Variants in PHF2 observed in about 807,000 individuals in gnomAD.
The protein encoded by PHF2 is PHD finger protein 2, also known as lysine-specific demethylase PHF2.
PHF2 carries 27 observed loss-of-function variants against 120.5 expected under a neutral mutation model. The ratio of observed to expected loss-of-function variants is 0.22; its 90% confidence interval spans 0.17 to 0.31. The LOEUF is 0.31. PHF2 is among the 10% of genes least tolerant of loss of function. The pLI is 1.00. For synonymous variants in PHF2, 568 were observed against 592.5 expected, an observed-to-expected ratio of 0.96 and a Z score of 0.60; for missense variants, 1,024 against 1,434.8, an observed-to-expected ratio of 0.71 and a Z score of 4.63.
At chr9:93,670,473 G>A (rs545089722) in intron 17 of PHF2, among the ~76,000 whole-genome samples, 1 of 152,234 alleles carries the variant, frequency 6.6e-6, no homozygotes, top group Non-Finnish European at 1.5e-5. Flanking sequence ...TTCTGGGTGG[G>A]GCCTGGGCCT....
intron 4 of PHF2, 108 bp from the exon 5 acceptor site, chr9:93,648,963 G>T: frequency 7.9e-7 from 1 of 1,272,784 alleles, no homozygotes; most frequent in Non-Finnish European, 1.1e-6. Flanking sequence ...GGCAGCTCCT[G>T]CTGTGTGTGA....
intron 3 of PHF2, among the ~76,000 whole-genome samples, chr9:93,640,775 G>C (rs779847086): frequency 2.6e-5 from 4 of 152,156 alleles, no homozygotes; most frequent in Admixed American, 1.3e-4. Flanking sequence ...AAAATTTCTT[G>C]TGAAAGCTGG....
At chr9:93,676,481 T>C (rs1320654220) in intron 20 of PHF2, 113 bp from the exon 21 acceptor site, 1 of 1,319,404 alleles carries the variant, frequency 7.6e-7, no homozygotes, top group Non-Finnish European at 1.0e-6. Context: ...AGGCCCCTGC[T>C]GCCCAGCCCT....
chr9:93,591,414 A>T, intron 1 of PHF2, among the ~76,000 whole-genome samples: 1 of 130,146 alleles, frequency 7.7e-6, no homozygotes, highest in South Asian at 2.2e-4. Context: ...AGCAGGCTGT[A>T]CCGTGGCCTT....
chr9:93,649,017 G>T, intron 4 of PHF2, 54 bp from the exon 5 acceptor site: 1 of 1,546,410 alleles, frequency 6.5e-7, no homozygotes, highest in Non-Finnish European at 8.7e-7. Context: ...CCTGGCCTCA[G>T]GGAGGCTGTG....
chr9:93,645,959 C>T (rs990786728), intron 4 of PHF2, among the ~76,000 whole-genome samples, 170 bp downstream of exon 4: 36 of 152,222 alleles, frequency 2.4e-4, no homozygotes, highest in Admixed American at 2.0e-3. Flanking sequence ...TCAGACCCTG[C>T]GTCCCACTGA....
intron 1 of PHF2, among the ~76,000 whole-genome samples, chr9:93,583,512 A>T (rs567800785): frequency 4.1e-4 from 62 of 152,080 alleles, no homozygotes; most frequent in South Asian, 8.3e-4. Flanking sequence ...GGGCTACATT[A>T]TTTTAAATTC....
rs374178598 is a variant in PHF2, at chr9:93,677,871, C to T, written c.*195C>T. 5.9e-5 allele frequency: 34 copies of T among 579,058 alleles called. No individual in the cohort carries two copies. The highest frequency in any genetic ancestry group is 5.1e-4 in the African/African-American group (27 of 53,404). The allele number at this position is 579,058 out of a possible 1,614,324, so 35.9% of individuals were successfully genotyped here. A position where few individuals can be genotyped will look rare whatever the true frequency, so the allele number is the denominator to read the frequency against. On this transcript the variant is annotated 3_prime_UTR_variant, in exon 22 of 22. Coordinates refer to ENST00000359246, the MANE Select transcript of PHF2 (RefSeq NM_005392.4). The surrounding 1 kb of genome is among the most constrained non-coding windows in gnomAD (Gnocchi z 4.4). ...CGTGGCCCCTCAATTTGAAAATGGA[C>T]GTCTTTTCTCAAGTTGCTAAGAGTG...
chr9:93,652,899 A>G (rs1226985481), intron 5 of PHF2, among the ~76,000 whole-genome samples: 1 of 152,172 alleles, frequency 6.6e-6, no homozygotes, highest in African/African-American at 2.4e-5. Context: ...CCAGGAAAGG[A>G]GGTTCCCTCT....
intron 10 of PHF2, 36 bp from the exon 11 acceptor site, chr9:93,659,475 T>C: frequency 6.4e-7 from 1 of 1,554,602 alleles, no homozygotes; most frequent in Non-Finnish European, 8.9e-7. Context: ...CCACGGGAGG[T>C]GTCTGGTGCT....
intron 1 of PHF2, 77 bp from the exon 2 acceptor site, chr9:93,629,893 C>A (rs1825971326): frequency 5.0e-6 from 7 of 1,393,980 alleles, no homozygotes. Flanking sequence ...CAGGGATTCT[C>A]CCTAGAGCTT....
Position 93,653,166 on chromosome 9 carries a change from C to T in PHF2, c.603-13C>T, listed in dbSNP as rs776931703. Reference sequence around the variant, plus strand: ...TCCCAGGTTCCCTCACCACCTTCCTCTCCCACCCCTAGAATGTCCAGCTTC... The same window carrying T: ...TCCCAGGTTCCCTCACCACCTTCCTTTCCCACCCCTAGAATGTCCAGCTTC... On this transcript the variant is annotated splice_polypyrimidine_tract_variant and intron_variant, in intron 5 of 21. Coordinates refer to ENST00000359246, the MANE Select transcript of PHF2 (RefSeq NM_005392.4). The T allele has an allele frequency of 6.2e-7, 1 of 1,612,374 alleles. No individual in the cohort carries two copies.
chr9:93,678,809 G>GT lies in PHF2; in HGVS notation c.*1139dup, dbSNP rs368790064. The GT allele has an allele frequency of 6.5e-6, 1 of 153,758 alleles. No homozygotes were observed. The highest frequency in any genetic ancestry group is 2.4e-5 in the African/African-American group (1 of 41,440). The allele number at this position is 153,758 out of a possible 1,614,324, so 9.5% of individuals were successfully genotyped here. On this transcript the variant is annotated 3_prime_UTR_variant, in exon 22 of 22. Coordinates refer to ENST00000359246, the MANE Select transcript of PHF2 (RefSeq NM_005392.4). Reference sequence around the variant, plus strand: ...GAGTTCTTCATTAACATTTATACGAGTTTTTTGCTGAGTCAGATGGACAGT... The same window carrying GT: ...GAGTTCTTCATTAACATTTATACGAGTTTTTTTGCTGAGTCAGATGGACAGT...
chr9:93,608,401 T>TTG (rs1348849256), intron 1 of PHF2, among the ~76,000 whole-genome samples: 1 of 151,566 alleles, frequency 6.6e-6, no homozygotes, highest in African/African-American at 2.4e-5. Flanking sequence ...ATTGGTAGTT[T>TTG]TTTTTTTTTT....
At chr9:93,600,460 C>A (rs1825419496) in intron 1 of PHF2, among the ~76,000 whole-genome samples, 1 of 152,182 alleles carries the variant, frequency 6.6e-6, no homozygotes, top group Non-Finnish European at 1.5e-5. Context: ...GGGGAAAGGC[C>A]CAACATGGGA....
At chr9:93,609,259 GTCATGAAGTAC>G (rs1470547148) in intron 1 of PHF2, among the ~76,000 whole-genome samples, 2 of 151,942 alleles carry the variant, frequency 1.3e-5, no homozygotes, top group Non-Finnish European at 2.9e-5. Flanking sequence ...TCATGAAGTA[GTCATGAAGTAC>G]ATTGTTGCTA....
At chr9:93,625,966 G>A (rs1825908200) in intron 1 of PHF2, among the ~76,000 whole-genome samples, 1 of 152,020 alleles carries the variant, frequency 6.6e-6, no homozygotes, top group Non-Finnish European at 1.5e-5. Context: ...AAATTGGCCG[G>A]GCGCGGTGGC....
At chr9:93,597,956 T>C (rs1321478326) in intron 1 of PHF2, among the ~76,000 whole-genome samples, 2 of 152,130 alleles carry the variant, frequency 1.3e-5, no homozygotes, top group African/African-American at 4.8e-5. Flanking sequence ...CACTCTGGGG[T>C]CACTCTGATG....
intron 17 of PHF2, chr9:93,670,970 C>G (rs1318284478): frequency 4.1e-6 from 4 of 979,486 alleles, no homozygotes; most frequent in Middle Eastern, 5.2e-4. Flanking sequence ...TTGGACTGAG[C>G]TGAGGTGCAG....
Sources: allele counts gnomAD v4.1 joint callset (sites outside exome capture counted in the v4.1 genomes callset), GRCh38; gene constraint gnomAD v4.1.1; non-coding constraint Gnocchi (gnomAD v3.1); transcripts MANE v1.5; gene names NCBI Gene and HGNC (gene_info 2026-07-23, HGNC 2026-07-21).